RBFOX1: variants seen among roughly 807,000 people sequenced by gnomAD.
RBFOX1 encodes RNA binding protein fox-1 homolog 1.
RBFOX1 carries 8 observed loss-of-function variants against 57.7 expected under a neutral mutation model. The observed-to-expected ratio is 0.14, with a 90% CI of 0.08 to 0.25. The LOEUF (loss-of-function observed/expected upper bound fraction) is 0.25, where lower values mean the gene tolerates loss of function less well. Among genes scored for constraint, RBFOX1 ranks in the 10% least tolerant of loss-of-function variants. The pLI is 1.00. For missense variants in RBFOX1, 611 were observed against 548.5 expected (o/e 1.11, Z -1.14); for synonymous variants, 326 against 222.4 (o/e 1.47, Z -4.15).
intron 1 of RBFOX1, among the ~76,000 whole-genome samples, chr16:5,458,267 T>G (rs941669860): frequency 6.6e-6 from 1 of 152,178 alleles, no homozygotes; most frequent in Non-Finnish European, 1.5e-5. Context: ...ATGTGCTGCA[T>G]GTAGTCATTT....
chr16:6,805,672 G>C (rs887712286), intron 3 of RBFOX1, among the ~76,000 whole-genome samples: 2 of 149,838 alleles, frequency 1.3e-5, no homozygotes, highest in Admixed American at 1.3e-4. Flanking sequence ...AATGAATGCT[G>C]AAAACATGTG....
chr16:6,920,150 T>C (rs2153452280), intron 3 of RBFOX1, among the ~76,000 whole-genome samples: 1 of 152,344 alleles, frequency 6.6e-6, no homozygotes. Flanking sequence ...TTCTATGGTG[T>C]AGGTGTATTT....
At chr16:7,363,852 A>T (rs1265825909) in intron 4 of RBFOX1, among the ~76,000 whole-genome samples, 3 of 151,892 alleles carry the variant, frequency 2.0e-5, no homozygotes, top group Non-Finnish European at 4.4e-5. Context: ...ATCTGGGTGG[A>T]GGGGGAGGGA....
chr16:5,864,695 A>T (rs1310864934), intron 3 of RBFOX1, among the ~76,000 whole-genome samples: 1 of 152,188 alleles, frequency 6.6e-6, no homozygotes, highest in Non-Finnish European at 1.5e-5. Flanking sequence ...GATGGATCAT[A>T]ATTGACTTGG....
intron 1 of RBFOX1, among the ~76,000 whole-genome samples, chr16:5,459,280 C>T (rs964219161): frequency 2.6e-5 from 4 of 152,360 alleles, no homozygotes; most frequent in Non-Finnish European, 5.9e-5. Context: ...TGCTCCTCAT[C>T]CCATCTGCAT....
intron 3 of RBFOX1, among the ~76,000 whole-genome samples, chr16:6,985,832 T>TAAAAAA (rs565941451): frequency 1.3e-4 from 13 of 99,830 alleles, no homozygotes; most frequent in East Asian, 6.2e-4. Flanking sequence ...TGAGTTCATG[T>TAAAAAA]AAAAAAAAAA....
intron 2 of RBFOX1, among the ~76,000 whole-genome samples, chr16:5,490,761 C>A (rs961537317): frequency 1.3e-5 from 2 of 152,152 alleles, no homozygotes; most frequent in African/African-American, 4.8e-5. Context: ...AGCTGCCGCG[C>A]CCCCTGCAGG....
At chr16:6,136,977 T>C (rs559192676) in intron 1 of RBFOX1, among the ~76,000 whole-genome samples, 2 of 152,346 alleles carry the variant, frequency 1.3e-5, no homozygotes, top group South Asian at 4.1e-4. Flanking sequence ...TTGCCTTTTT[T>C]AATTGAGTTG....
chr16:6,997,593 A>T (rs1403820744), intron 3 of RBFOX1, among the ~76,000 whole-genome samples: 1 of 152,198 alleles, frequency 6.6e-6, no homozygotes, highest in African/African-American at 2.4e-5. Flanking sequence ...TACAAAAGAT[A>T]GACTGCGTTT....
intron 3 of RBFOX1, among the ~76,000 whole-genome samples, chr16:6,962,929 G>T (rs1217267436): frequency 3.3e-5 from 5 of 151,152 alleles, no homozygotes; most frequent in Non-Finnish European, 2.9e-5. Flanking sequence ...GTGGGCTGGG[G>T]TGGGGTTGTT....
intron 1 of RBFOX1, among the ~76,000 whole-genome samples, chr16:6,252,149 T>C (rs2097619650): frequency 6.6e-6 from 1 of 152,106 alleles, no homozygotes; most frequent in African/African-American, 2.4e-5. Flanking sequence ...GAGAATGTTT[T>C]ATCTGTACCT....
intron 5 of RBFOX1, among the ~76,000 whole-genome samples, chr16:7,545,358 C>T (rs2084163244): frequency 1.3e-5 from 2 of 152,060 alleles, no homozygotes; most frequent in Non-Finnish European, 2.9e-5. Flanking sequence ...CCTCTTGGCC[C>T]CTTGCTCACA....
At chr16:7,636,314 T>C (rs887256941) in intron 11 of RBFOX1, among the ~76,000 whole-genome samples, 1 of 152,250 alleles carries the variant, frequency 6.6e-6, no homozygotes, top group African/African-American at 2.4e-5. Flanking sequence ...TTGTTTTAGT[T>C]TGTCTCTGCC....
At chr16:6,639,870 C>A (rs1017860055) in intron 2 of RBFOX1, among the ~76,000 whole-genome samples, 1 of 152,092 alleles carries the variant, frequency 6.6e-6, no homozygotes, top group African/African-American at 2.4e-5. Context: ...CAGAGTGAGA[C>A]TGTGTCTCAA....
chr16:5,360,525 C>T (rs910137950), intron 1 of RBFOX1, among the ~76,000 whole-genome samples: 3 of 152,192 alleles, frequency 2.0e-5, no homozygotes, highest in African/African-American at 7.2e-5. Flanking sequence ...CCAGTATCAG[C>T]TACCTGGGCT....
At chr16:6,723,851 G>T (rs2066541972) in intron 3 of RBFOX1, 1 of 151,976 alleles carries the variant, frequency 6.6e-6, no homozygotes, top group Admixed American at 6.6e-5. Context: ...TCTGCACGAG[G>T]TTCTCACCAT....
intron 4 of RBFOX1, among the ~76,000 whole-genome samples, chr16:5,923,270 G>A (rs1385843402): frequency 1.3e-5 from 2 of 152,180 alleles, no homozygotes; most frequent in Admixed American, 1.3e-4. Context: ...CAAAAAGAGA[G>A]GAGAAGAAGA....
intron 3 of RBFOX1, among the ~76,000 whole-genome samples, chr16:6,920,380 G>A (rs1022032340): frequency 3.3e-5 from 5 of 152,084 alleles, no homozygotes; most frequent in African/African-American, 1.2e-4. Context: ...TCTTCTGCAT[G>A]AAACCAGAGT....
intron 3 of RBFOX1, among the ~76,000 whole-genome samples, chr16:6,870,003 G>T (rs1425551402): frequency 2.0e-5 from 3 of 152,124 alleles, no homozygotes; most frequent in African/African-American, 7.2e-5. Flanking sequence ...TTTCTACGTT[G>T]ATGCTGTGAG....
Sources: gnomAD v4.1 joint callset for allele counts (sites outside exome capture counted in the v4.1 genomes callset) on GRCh38, gnomAD v4.1.1 for gene constraint, MANE v1.5 for transcripts, NCBI Gene and HGNC (gene_info 2026-07-23, HGNC 2026-07-21) for gene names.